The following GALNT13 variants were observed in gnomAD, a reference collection of about 807,000 sequenced individuals.
GALNT13 encodes polypeptide N-acetylgalactosaminyltransferase 13.
In GALNT13, 28 loss-of-function variants were observed where a neutral mutation model predicts 64.2. That is an observed-to-expected ratio of 0.44 (90% CI 0.32 to 0.60). The LOEUF is 0.60. GALNT13 is among the 20% of genes least tolerant of loss of function. The pLI is 0.05. For missense variants in GALNT13, 577 were observed against 669.8 expected (o/e 0.86, Z 1.53); for synonymous variants, 214 against 224.6 (o/e 0.95, Z 0.42).
chr2:153,121,006 A>G, the GALNT13 span, among the ~76,000 whole-genome samples: 1 of 152,228 alleles, frequency 6.6e-6, no homozygotes, highest in Non-Finnish European at 1.5e-5. Context: ...TTATAATCTT[A>G]GTGTCTATTG....
chr2:154,044,174 G>T (rs1285232747), intron 3 of GALNT13, among the ~76,000 whole-genome samples: 1 of 152,108 alleles, frequency 6.6e-6, no homozygotes, highest in Non-Finnish European at 1.5e-5. Context: ...GAGAAAAGAA[G>T]ATGATGAATA....
chr2:154,082,544 G>A (rs1445332921), intron 3 of GALNT13, among the ~76,000 whole-genome samples: 4 of 151,646 alleles, frequency 2.6e-5, no homozygotes, highest in Non-Finnish European at 5.9e-5. Context: ...TTTCTTCACT[G>A]AAAGGAACAA....
intron 4 of GALNT13, among the ~76,000 whole-genome samples, chr2:154,221,890 C>A (rs1010179455): frequency 6.6e-6 from 1 of 151,966 alleles, no homozygotes; most frequent in African/African-American, 2.4e-5. Context: ...TTTCCTTTTT[C>A]CCAAGACACC....
intron 3 of GALNT13, among the ~76,000 whole-genome samples, chr2:154,045,008 C>G (rs1291332880): frequency 2.0e-5 from 3 of 152,066 alleles, no homozygotes; most frequent in Non-Finnish European, 4.4e-5. Flanking sequence ...CAGGGAAAAA[C>G]AGAGGGCTTC....
At chr2:153,229,017 A>G in the GALNT13 span, among the ~76,000 whole-genome samples, 1 of 152,192 alleles carries the variant, frequency 6.6e-6, no homozygotes, top group Non-Finnish European at 1.5e-5. Flanking sequence ...GCTCTCTAAG[A>G]TAGCTAGAGT....
At chr2:154,346,025 T>C (rs923256910) in intron 9 of GALNT13, among the ~76,000 whole-genome samples, 1 of 152,036 alleles carries the variant, frequency 6.6e-6, no homozygotes, top group Non-Finnish European at 1.5e-5. Flanking sequence ...TTAATATTTT[T>C]ATTACAGTCC....
intron 1 of GALNT13, among the ~76,000 whole-genome samples, chr2:153,894,939 T>A (rs2105277253): frequency 6.6e-6 from 1 of 152,246 alleles, no homozygotes; most frequent in African/African-American, 2.4e-5. Flanking sequence ...CCTGAATCAG[T>A]GACCTGGTAG....
the GALNT13 span, among the ~76,000 whole-genome samples, chr2:153,731,127 CAT>C: frequency 2.4e-4 from 36 of 151,562 alleles, no homozygotes; most frequent in East Asian, 2.9e-3. Flanking sequence ...ATATATATGA[CAT>C]ATATGTGTGT....
the GALNT13 span, among the ~76,000 whole-genome samples, chr2:153,409,719 G>C: frequency 2.0e-5 from 3 of 151,992 alleles, no homozygotes. Flanking sequence ...AAAGAACTGC[G>C]TAGTATTAAT....
the GALNT13 span, among the ~76,000 whole-genome samples, chr2:153,787,936 T>A: frequency 6.6e-6 from 1 of 152,130 alleles, no homozygotes; most frequent in South Asian, 2.1e-4. Context: ...CATAGGAGAT[T>A]ATGTAAAGAA....
chr2:154,320,056 G>A (rs1322840175), intron 9 of GALNT13, among the ~76,000 whole-genome samples: 1 of 151,896 alleles, frequency 6.6e-6, no homozygotes, highest in African/African-American at 2.4e-5. Context: ...AGTAACTTAT[G>A]TAATAACAGA....
the GALNT13 span, among the ~76,000 whole-genome samples, chr2:153,086,713 ATTTATTTTATTTTAT>A: frequency 5.3e-4 from 80 of 149,740 alleles, 2 homozygotes; most frequent in South Asian, 0.014. Context: ...ATTTTATTTT[ATTTATTTTATTTTAT>A]TTTATTTTAT....
intron 8 of GALNT13, among the ~76,000 whole-genome samples, chr2:154,260,950 C>G (rs1301340982): frequency 3.3e-5 from 5 of 152,144 alleles, no homozygotes; most frequent in Non-Finnish European, 7.4e-5. Context: ...TTCCTCCCTA[C>G]CTGTTAAGCT....
chr2:154,326,160 T>G (rs1694865059), intron 9 of GALNT13, among the ~76,000 whole-genome samples: 1 of 152,154 alleles, frequency 6.6e-6, no homozygotes, highest in South Asian at 2.1e-4. Context: ...AAAACTAGTC[T>G]GATAAAAATT....
At chr2:153,129,580 C>T in the GALNT13 span, among the ~76,000 whole-genome samples, 2 of 152,122 alleles carry the variant, frequency 1.3e-5, no homozygotes. Flanking sequence ...GGAGACCATT[C>T]TGGCTAACAT....
At chr2:153,105,421 A>G in the GALNT13 span, among the ~76,000 whole-genome samples, 2 of 152,180 alleles carry the variant, frequency 1.3e-5, no homozygotes, top group South Asian at 2.1e-4. Context: ...ATATCATACC[A>G]AATGGACAAA....
At chr2:153,950,444 C>A in intron 3 of GALNT13, among the ~76,000 whole-genome samples, 1 of 151,998 alleles carries the variant, frequency 6.6e-6, no homozygotes, top group East Asian at 1.9e-4. Flanking sequence ...TTGGCAAAAA[C>A]TATAAATGGC....
chr2:153,444,834 T>A, the GALNT13 span, among the ~76,000 whole-genome samples: 1 of 152,182 alleles, frequency 6.6e-6, no homozygotes, highest in Non-Finnish European at 1.5e-5. Context: ...GTCATTCACC[T>A]GGTGAAGGAC....
chr2:153,540,373 G>A, the GALNT13 span, among the ~76,000 whole-genome samples: 22 of 152,364 alleles, frequency 1.4e-4, no homozygotes, highest in Admixed American at 6.5e-4. Flanking sequence ...ACATCTGGAT[G>A]TCCAGGCAGA....
Sources: gnomAD v4.1 joint callset for allele counts (sites outside exome capture counted in the v4.1 genomes callset) on GRCh38, gnomAD v4.1.1 for gene constraint, MANE v1.5 for transcripts, NCBI Gene and HGNC (gene_info 2026-07-23, HGNC 2026-07-21) for gene names.